SPATS2L: variants seen among roughly 807,000 people sequenced by gnomAD.
SPATS2L encodes the protein SPATS2-like protein.
Under a neutral mutation model 59.6 loss-of-function variants are expected in SPATS2L, and 30 were observed. The ratio of observed to expected loss-of-function variants is 0.50; its 90% CI spans 0.38 to 0.68. The LOEUF is 0.68. Among genes scored for constraint, SPATS2L ranks in the 30% least tolerant of loss-of-function variants. The pLI, the probability that SPATS2L is intolerant of heterozygous loss-of-function variation, is 0.00. For synonymous variants in SPATS2L, 252 were observed against 263.5 expected (o/e 0.96, Z 0.42); for missense variants, 615 against 700.0 (o/e 0.88, Z 1.37).
intron 1 of SPATS2L, among the ~76,000 whole-genome samples, chr2:200,314,413 T>C (rs952758214): frequency 6.6e-6 from 1 of 152,210 alleles, no homozygotes; most frequent in African/African-American, 2.4e-5. Flanking sequence ...TGCAGTAGCC[T>C]CGCAACTGGT....
At chr2:200,384,997 A>G (rs1426741481) in intron 2 of SPATS2L, among the ~76,000 whole-genome samples, 2 of 152,246 alleles carry the variant, frequency 1.3e-5, no homozygotes, top group Non-Finnish European at 2.9e-5. Context: ...GTTAGCCCGC[A>G]GTAATTGGTC....
At chr2:200,461,151 C>T (rs2086215738) in intron 9 of SPATS2L, 1 of 152,124 alleles carries the variant, frequency 6.6e-6, no homozygotes, top group Admixed American at 6.5e-5. Flanking sequence ...TGTTCATGAA[C>T]TTCGTCAAAT....
At chr2:200,471,478 C>G (rs551019358) in intron 11 of SPATS2L, among the ~76,000 whole-genome samples, 1 of 152,242 alleles carries the variant, frequency 6.6e-6, no homozygotes, top group South Asian at 2.1e-4. Context: ...CTGAGCACTT[C>G]AAGTGCCATC....
intron 1 of SPATS2L, among the ~76,000 whole-genome samples, chr2:200,325,851 C>T (rs1486101429): frequency 6.6e-6 from 1 of 152,158 alleles, no homozygotes; most frequent in Non-Finnish European, 1.5e-5. Context: ...TTTATAAACA[C>T]CAACACATTT....
chr2:200,392,028 A>G (rs1288230133), intron 3 of SPATS2L, among the ~76,000 whole-genome samples: 1 of 152,236 alleles, frequency 6.6e-6, no homozygotes, highest in Non-Finnish European at 1.5e-5. Context: ...TTATTTCAGT[A>G]TAAAACCACT....
At chr2:200,403,925 G>T (rs545549205) in intron 3 of SPATS2L, among the ~76,000 whole-genome samples, 4 of 152,052 alleles carry the variant, frequency 2.6e-5, no homozygotes, top group Admixed American at 2.6e-4. Context: ...AAACTCTCAC[G>T]CAGAGGAATG....
intron 2 of SPATS2L, among the ~76,000 whole-genome samples, chr2:200,346,503 G>A (rs191698971): frequency 6.6e-6 from 1 of 152,204 alleles, no homozygotes; most frequent in Admixed American, 6.5e-5. Flanking sequence ...CTCCATTTCA[G>A]TGACTCCCCT....
chr2:200,326,593 T>TAAAAAA (rs2105784678), intron 1 of SPATS2L, among the ~76,000 whole-genome samples: 1 of 152,360 alleles, frequency 6.6e-6, no homozygotes, highest in South Asian at 2.1e-4. Flanking sequence ...AAAATAATTG[T>TAAAAAA]GGAATCCCTT....
chr2:200,351,451 T>A (rs2080726531), intron 2 of SPATS2L, among the ~76,000 whole-genome samples: 1 of 152,210 alleles, frequency 6.6e-6, no homozygotes, highest in Admixed American at 6.5e-5. Context: ...ATGGCACATA[T>A]TTTGTTTTGC....
At chr2:200,357,987 T>C (rs1226861418) in intron 2 of SPATS2L, among the ~76,000 whole-genome samples, 1 of 152,090 alleles carries the variant, frequency 6.6e-6, no homozygotes, top group Non-Finnish European at 1.5e-5. Context: ...ACTGGCCTGA[T>C]GTTAAGCAGC....
At chr2:200,396,011 G>GACAAAAAAAAA (rs2082318749) in intron 3 of SPATS2L, among the ~76,000 whole-genome samples, 1 of 10,598 alleles carries the variant, frequency 9.4e-5, no homozygotes, top group Non-Finnish European at 1.3e-4. Context: ...ACTCGATCTG[G>GACAAAAAAAAA]AAAAAAAAAA....
chr2:200,327,022 C>T (rs1256488984), intron 1 of SPATS2L, among the ~76,000 whole-genome samples: 4 of 148,706 alleles, frequency 2.7e-5, no homozygotes, highest in Non-Finnish European at 3.0e-5. Context: ...GCTAGGATTA[C>T]AGGTGTGAGT....
intron 1 of SPATS2L, among the ~76,000 whole-genome samples, chr2:200,307,769 G>T (rs912451141): frequency 6.6e-6 from 1 of 152,252 alleles, no homozygotes; most frequent in South Asian, 2.1e-4. Flanking sequence ...GTGTTCCCGC[G>T]GGGTTGGTGT....
At chr2:200,315,016 T>C (rs2079322206) in intron 1 of SPATS2L, among the ~76,000 whole-genome samples, 1 of 152,204 alleles carries the variant, frequency 6.6e-6, no homozygotes, top group Admixed American at 6.5e-5. Flanking sequence ...AAAGAAATAA[T>C]AAAATAAAAT....
intron 1 of SPATS2L, among the ~76,000 whole-genome samples, chr2:200,325,998 T>G (rs189323911): frequency 2.6e-5 from 4 of 152,330 alleles, no homozygotes; most frequent in African/African-American, 9.6e-5. Context: ...AAAATGATGC[T>G]CAAGGCACAT....
At chr2:200,364,887 T>C (rs566801497) in intron 2 of SPATS2L, among the ~76,000 whole-genome samples, 2 of 152,318 alleles carry the variant, frequency 1.3e-5, no homozygotes, top group East Asian at 3.9e-4. Context: ...AGTTCAGGGA[T>C]GACTGGGCTG....
Position 200,306,791 on chromosome 2 carries a change from C to T in SPATS2L, c.-204C>T, listed in dbSNP as rs111408306. The T allele has an allele frequency of 1.0e-6, 1 of 981,066 alleles. No individual in the cohort carries two copies. The highest frequency in any genetic ancestry group is 1.2e-6 in the Non-Finnish European group (1 of 828,060). 60.8% of individuals were successfully genotyped at this position (981,066 alleles called of 1,614,324 possible). Reference sequence around the variant, plus strand: ...GGGCGAGCTCCGGACGGCGCGCGGCCCAGGCAGCGGCTCCCGCTCGGCCCG... The same window carrying T: ...GGGCGAGCTCCGGACGGCGCGCGGCTCAGGCAGCGGCTCCCGCTCGGCCCG... On this transcript the variant is annotated 5_prime_UTR_variant, in exon 1 of 13. Transcript: ENST00000409140.
intron 1 of SPATS2L, among the ~76,000 whole-genome samples, chr2:200,316,923 G>A (rs2079400174): frequency 6.6e-6 from 1 of 152,212 alleles, no homozygotes; most frequent in African/African-American, 2.4e-5. Flanking sequence ...TTGCTAGTTT[G>A]CAGTCCCGCT....
chr2:200,475,040 C>T (rs371554575), intron 12 of SPATS2L, among the ~76,000 whole-genome samples: 15 of 152,328 alleles, frequency 9.8e-5, no homozygotes, highest in East Asian at 3.9e-4. Context: ...GGACCACTTT[C>T]CTGTATACAT....
Sources: allele counts gnomAD v4.1 joint callset (sites outside exome capture counted in the v4.1 genomes callset), GRCh38; gene constraint gnomAD v4.1.1; transcripts MANE v1.5; gene names NCBI Gene and HGNC (gene_info 2026-07-23, HGNC 2026-07-21).